SLC36A4: variants seen among roughly 807,000 people sequenced by gnomAD.
SLC36A4 encodes solute carrier family 36 member 4.
In SLC36A4, 49 loss-of-function variants were observed where a neutral mutation model predicts 50.5. That is an observed-to-expected ratio of 0.97 (90% CI 0.77 to 1.23). The LOEUF (loss-of-function observed/expected upper bound fraction) is 1.23, where lower values mean the gene tolerates loss of function less well. Among genes scored for constraint, SLC36A4 ranks in the 50% most tolerant of loss-of-function variants. SLC36A4 has a pLI of 0.00. For synonymous variants in SLC36A4, 207 were observed against 206.5 expected, an observed-to-expected ratio of 1.00 and a Z score of -0.02; for missense variants, 611 against 608.4, an observed-to-expected ratio of 1.00 and a Z score of -0.05.
intron 10 of SLC36A4, among the ~76,000 whole-genome samples, chr11:93,149,849 T>A (rs1226028487): frequency 6.6e-6 from 1 of 152,044 alleles, no homozygotes; most frequent in East Asian, 1.9e-4. Context: ...GCTAATTTCT[T>A]GGTTTTAATA....
chr11:93,191,794 C>G (rs1479768839), intron 1 of SLC36A4, among the ~76,000 whole-genome samples: 2 of 152,144 alleles, frequency 1.3e-5, no homozygotes, highest in Non-Finnish European at 1.5e-5. Context: ...ATTAAGGAAG[C>G]TGATGCAAAG....
intron 1 of SLC36A4, among the ~76,000 whole-genome samples, chr11:93,194,370 C>A (rs1170918518): frequency 3.6e-5 from 3 of 82,602 alleles, no homozygotes; most frequent in Non-Finnish European, 8.6e-5. Flanking sequence ...TATTGTCACC[C>A]GAATAAAGTA....
At chr11:93,160,873 C>T (rs1413764945) in intron 9 of SLC36A4, 2 of 630,264 alleles carry the variant, frequency 3.2e-6, no homozygotes, top group Non-Finnish European at 4.0e-6. Context: ...CAAAATGTCT[C>T]TCTGTTTCCC....
At chr11:93,173,853 T>C (rs1237679476) in intron 6 of SLC36A4, among the ~76,000 whole-genome samples, 2 of 134,040 alleles carry the variant, frequency 1.5e-5, no homozygotes, top group Admixed American at 1.6e-4. Flanking sequence ...ACTGTAGCCT[T>C]GTAGTATAGT....
At chr11:93,165,855 G>T (rs958326173) in intron 8 of SLC36A4, 63 bp downstream of exon 8, 11 of 967,588 alleles carry the variant, frequency 1.1e-5, no homozygotes, top group South Asian at 1.8e-5. Context: ...ATACAGGTAG[G>T]CTATATAAAT....
chr11:93,184,809 A>G (rs1291798344), intron 2 of SLC36A4, among the ~76,000 whole-genome samples: 1 of 152,230 alleles, frequency 6.6e-6, no homozygotes, highest in Non-Finnish European at 1.5e-5. Flanking sequence ...CATTCTCTTT[A>G]CAGTGTGGTT....
chr11:93,156,316 A>C (rs1860357526), intron 9 of SLC36A4, among the ~76,000 whole-genome samples: 1 of 151,550 alleles, frequency 6.6e-6, no homozygotes, highest in Non-Finnish European at 1.5e-5. Context: ...TTTGATTTGC[A>C]TTTCTCTAAT....
intron 10 of SLC36A4, among the ~76,000 whole-genome samples, chr11:93,149,571 A>G (rs1270984664): frequency 6.6e-6 from 1 of 152,096 alleles, no homozygotes; most frequent in Non-Finnish European, 1.5e-5. Flanking sequence ...ATTCTTGTTA[A>G]AAATGCTTAA....
intron 8 of SLC36A4, among the ~76,000 whole-genome samples, chr11:93,163,987 T>TAC (rs780364680): frequency 6.6e-6 from 1 of 152,166 alleles, no homozygotes; most frequent in Non-Finnish European, 1.5e-5. Flanking sequence ...CTTCTGACAC[T>TAC]ACAAGATGCT....
Position 93,148,436 on chromosome 11 carries a change from AGTTT to A in SLC36A4, c.*97_*100del. On this transcript the variant is annotated 3_prime_UTR_variant, in exon 11 of 11. Coordinates refer to ENST00000326402, the MANE Select transcript of SLC36A4 (RefSeq NM_152313.4). ...ATTAATATCGTGCCAAAGAAAACAGAGTTTGTTACCATTTTTATGTATATAGCAA... is the reference window on the plus strand; with the variant it reads ...ATTAATATCGTGCCAAAGAAAACAGAGTTACCATTTTTATGTATATAGCAA... The A allele has an allele frequency of 2.0e-6, 2 of 1,018,822 alleles. No homozygotes were observed. Among genetic ancestry groups the A allele is most frequent in the Non-Finnish European group, 3.0e-6 (2 of 676,080 alleles). The allele number at this position is 1,018,822 out of a possible 1,614,324, so 63.1% of individuals were successfully genotyped here. A position where few individuals can be genotyped will look rare whatever the true frequency, so the allele number is the denominator to read the frequency against.
rs191347298 is a variant in SLC36A4, at chr11:93,151,915, T to A, written c.1207+2193A>T. On this transcript the variant is annotated intron_variant, in intron 10 of 10. Coordinates refer to ENST00000326402, the MANE Select transcript of SLC36A4 (RefSeq NM_152313.4). Reference sequence around the variant, plus strand: ...AAGGTATTTATGTCCATGGTGACCTTTGGCTGGTTTCTACCGTCCCTCCTC... The same window carrying A: ...AAGGTATTTATGTCCATGGTGACCTATGGCTGGTTTCTACCGTCCCTCCTC... Among the ~76,000 whole-genome samples, 74 of 152,164 alleles carry A rather than the reference T, an allele frequency of 4.9e-4. 1 individual carries two copies. Among genetic ancestry groups the A allele is most frequent in the Admixed American group, 9.2e-4 (14 of 15,246 alleles).
intron 9 of SLC36A4, among the ~76,000 whole-genome samples, chr11:93,157,619 G>C (rs972765536): frequency 6.6e-6 from 1 of 152,064 alleles, no homozygotes; most frequent in Non-Finnish European, 1.5e-5. Flanking sequence ...GTGAATTGTG[G>C]CAACACAATA....
At chr11:93,156,689 C>T (rs1044224520) in intron 9 of SLC36A4, among the ~76,000 whole-genome samples, 3 of 151,930 alleles carry the variant, frequency 2.0e-5, no homozygotes, top group Non-Finnish European at 2.9e-5. Flanking sequence ...AGCCCTTTGC[C>T]CACTTTTTAA....
chr11:93,180,108 A>G (rs1861671953), intron 6 of SLC36A4: 5 of 948,956 alleles, frequency 5.3e-6, no homozygotes, highest in Admixed American at 6.2e-5. Context: ...GGACATGTGG[A>G]TAATTAATAA....
At position 93,154,127 on chromosome 11, in the gene SLC36A4, G is replaced by T. The variant is rs1471908158; in HGVS notation, c.1188C>A (p.Ser396=). 6.6e-7 allele frequency: 1 copy of T among 1,526,676 alleles called. No individual in the cohort carries two copies. The allele number at this position is 1,526,676 out of a possible 1,614,324, so 94.6% of individuals were successfully genotyped here. A position where few individuals can be genotyped will look rare whatever the true frequency, so the allele number is the denominator to read the frequency against. ...WKQICEFGIR[S]FLVSITCAGA... ...ACTTACAAGTAATACTAACCAAGAAGGATCTTATCCCAAATTCACAGATTT... is the reference window on the plus strand; with the variant it reads ...ACTTACAAGTAATACTAACCAAGAATGATCTTATCCCAAATTCACAGATTT... Residue 396 remains serine, a synonymous_variant, in exon 10 of 11, where the codon TCC becomes TCA. Transcript: ENST00000326402.
intron 6 of SLC36A4, chr11:93,180,181 G>C: frequency 1.0e-6 from 1 of 983,358 alleles, no homozygotes; most frequent in Non-Finnish European, 1.2e-6. Context: ...AATGATACCA[G>C]TCATAAAAGT....
intron 6 of SLC36A4, among the ~76,000 whole-genome samples, chr11:93,174,454 A>G (rs1223792770): frequency 2.0e-4 from 29 of 141,490 alleles, no homozygotes; most frequent in Middle Eastern, 3.3e-3. Flanking sequence ...TCTCCTGCCT[A>G]ATTGCCCTGG....
chr11:93,197,073 T>C (rs183661038), intron 1 of SLC36A4: 1 of 152,378 alleles, frequency 6.6e-6, no homozygotes. Flanking sequence ...AACGGTTTTC[T>C]TGAAGATTCC....
chr11:93,177,095 A>T (rs1025271767), intron 6 of SLC36A4, among the ~76,000 whole-genome samples: 1 of 152,176 alleles, frequency 6.6e-6, no homozygotes, highest in Non-Finnish European at 1.5e-5. Flanking sequence ...ATACCAAATC[A>T]GACGTAGATT....
Sources: gnomAD v4.1 joint callset for allele counts (sites outside exome capture counted in the v4.1 genomes callset) on GRCh38, gnomAD v4.1.1 for gene constraint, MANE v1.5 for transcripts, NCBI Gene and HGNC (gene_info 2026-07-23, HGNC 2026-07-21) for gene names.